TRPM8: variants seen among roughly 807,000 people sequenced by gnomAD.
The protein encoded by TRPM8 is transient receptor potential cation channel subfamily M member 8.
A neutral mutation model predicts 133.7 loss-of-function variants in TRPM8; 110 were observed. The observed-to-expected ratio is 0.82, with a 90% CI of 0.70 to 0.96. The LOEUF (loss-of-function observed/expected upper bound fraction) is 0.96. Ranked by LOEUF, TRPM8 falls within the 40% of genes least tolerant of loss-of-function variation. The probability of loss-of-function intolerance (pLI) is 0.00; values close to 1 mark genes in which losing one functional copy is unlikely to be tolerated. For missense variants in TRPM8, 1,291 were observed against 1,379.5 expected, an observed-to-expected ratio of 0.94 and a Z score of 1.02; for synonymous variants, 535 against 532.3, an observed-to-expected ratio of 1.01 and a Z score of -0.07.
intron 25 of TRPM8, among the ~76,000 whole-genome samples, chr2:234,016,587 G>A (rs975144293): frequency 6.6e-6 from 1 of 152,112 alleles, no homozygotes; most frequent in African/African-American, 2.4e-5. Context: ...GACCCTGGGG[G>A]CAAGCCTGTA....
chr2:233,927,710 CTTT>C (rs1691548694), intron 2 of TRPM8, among the ~76,000 whole-genome samples: 1 of 13,552 alleles, frequency 7.4e-5, no homozygotes, highest in Non-Finnish European at 1.2e-4. Flanking sequence ...GAGTCTGTCT[CTTT>C]CTTTCTTTCT....
intron 21 of TRPM8, among the ~76,000 whole-genome samples, chr2:233,986,200 C>A (rs116386891): frequency 1.0e-3 from 152 of 152,316 alleles, no homozygotes; most frequent in Non-Finnish European, 1.9e-3. Flanking sequence ...TAGTTTAACT[C>A]ATCTCCAAAG....
intron 11 of TRPM8, among the ~76,000 whole-genome samples, chr2:233,960,386 C>T (rs1382131403): frequency 6.6e-6 from 1 of 152,132 alleles, no homozygotes. Context: ...GAGGTGGTTC[C>T]AGCTCTACTA....
In TRPM8 at chr2:233,993,877, G is replaced by A. The variant is rs1245417606; in HGVS notation, c.2940-2449G>A. On this transcript the variant is annotated intron_variant, in intron 21 of 25. Coordinates refer to ENST00000324695, the MANE Select transcript of TRPM8 (RefSeq NM_024080.5). ...ACAACATCAATGCACAAAAATGGAT[G>A]CAGTTGTTTTGATTTTTTCTTTGGT... Among the ~76,000 whole-genome samples, 7 of 152,168 alleles carry A rather than the reference G, an allele frequency of 4.6e-5. No homozygotes were observed. The South Asian group carries it at 1.4e-3, about 31-fold the overall frequency.
intron 22 of TRPM8, among the ~76,000 whole-genome samples, chr2:233,999,226 G>A (rs1692487024): frequency 6.6e-6 from 1 of 152,056 alleles, no homozygotes; most frequent in Non-Finnish European, 1.5e-5. Flanking sequence ...ATTGGAAGCT[G>A]GACCCCAGGC....
intron 21 of TRPM8, among the ~76,000 whole-genome samples, chr2:233,991,516 G>A (rs1407358397): frequency 1.3e-5 from 2 of 152,344 alleles, no homozygotes; most frequent in Non-Finnish European, 2.9e-5. Flanking sequence ...CTGTGTGCTG[G>A]GGAAGGAGCG....
intron 23 of TRPM8, among the ~76,000 whole-genome samples, chr2:234,007,682 C>T (rs1692727541): frequency 6.6e-6 from 1 of 152,152 alleles, no homozygotes; most frequent in Non-Finnish European, 1.5e-5. Flanking sequence ...CAACTAATAC[C>T]TTTGCTGGGT....
chr2:233,954,310 T>C (rs1051528112), intron 10 of TRPM8, among the ~76,000 whole-genome samples: 45 of 152,226 alleles, frequency 3.0e-4, no homozygotes, highest in African/African-American at 1.1e-3. Flanking sequence ...AATTTTTTTA[T>C]TGGGCCTCAG....
At chr2:233,958,180 T>A (rs1010048949) in intron 11 of TRPM8, among the ~76,000 whole-genome samples, 6 of 152,168 alleles carry the variant, frequency 3.9e-5, no homozygotes, top group Non-Finnish European at 5.9e-5. Context: ...GGGGAGTTGC[T>A]GATAGTTTTT....
At position 233,960,756 on chromosome 2, in the gene TRPM8, T is replaced by C. The variant is rs1226553046; in HGVS notation, c.1363-20T>C. ...TATTTTTATAGTATTGTTAGTACTG[T>C]CTCTGTTCTTTCTCCTTAGTCTGCT... On this transcript the variant is annotated intron_variant, in intron 11 of 25. Coordinates refer to ENST00000324695, the MANE Select transcript of TRPM8 (RefSeq NM_024080.5). 6.2e-7 allele frequency: 1 copy of C among 1,608,704 alleles called. No homozygotes were observed. Among genetic ancestry groups the C allele is most frequent in the Non-Finnish European group, 8.5e-7 (1 of 1,175,778 alleles).
At chr2:234,000,086 G>GACTT (rs1553669213) in intron 22 of TRPM8, among the ~76,000 whole-genome samples, 1 of 144,166 alleles carries the variant, frequency 6.9e-6, no homozygotes, top group Non-Finnish European at 1.5e-5. Flanking sequence ...CAATGTGGAT[G>GACTT]ATTTATTTAT....
intron 9 of TRPM8, among the ~76,000 whole-genome samples, chr2:233,951,722 C>T (rs1001908888): frequency 6.6e-6 from 1 of 152,096 alleles, no homozygotes; most frequent in Admixed American, 6.5e-5. Context: ...ACAATCACAT[C>T]AATCAGAAAA....
intron 3 of TRPM8, among the ~76,000 whole-genome samples, chr2:233,932,015 C>A (rs1458744298): frequency 6.6e-6 from 1 of 152,228 alleles, no homozygotes; most frequent in Non-Finnish European, 1.5e-5. Flanking sequence ...CAAGGCTGTG[C>A]CTTCTCTATA....
At chr2:233,963,991 A>G (rs762303466) in intron 13 of TRPM8, among the ~76,000 whole-genome samples, 17 of 152,136 alleles carry the variant, frequency 1.1e-4, no homozygotes, top group Non-Finnish European at 2.2e-4. Context: ...ATTAGTCTTA[A>G]TATTTTTTAT....
At position 233,946,007 on chromosome 2, in the gene TRPM8, A is replaced by G. The variant is rs777617474; in HGVS notation, c.851A>G (p.Tyr284Cys). 6.2e-6 allele frequency: 10 copies of G among 1,614,032 alleles called. No homozygotes were observed. The East Asian group carries it at 8.9e-5, about 14-fold the overall frequency. The part of the protein sequence containing the change: ...EAKLRNQLEK[Y>C]ISERTIQDSN... ...AAGCTCCGGAATCAGCTAGAGAAGT[A>G]TATCTCTGAGCGCACTATTCAAGGT... Residue 284 changes from tyrosine (Y) to cysteine (C), a missense_variant, in exon 7 of 26, where the codon TAT becomes TGT. By Grantham distance (194) the Tyr-to-Cys change is radical (BLOSUM62 -2). Transcript: ENST00000324695.
At chr2:234,007,169 G>A (rs1338778091) in intron 23 of TRPM8, among the ~76,000 whole-genome samples, 1 of 152,156 alleles carries the variant, frequency 6.6e-6, no homozygotes, top group African/African-American at 2.4e-5. Context: ...TATCCCAATT[G>A]CCCTTCAAGG....
rs201510804 is a variant in TRPM8 at position 234,017,279 on chromosome 2, T to C, written c.*43-20T>C. 2.3e-5 allele frequency: 11 copies of C among 470,416 alleles called. No individual in the cohort carries two copies. The highest frequency in any genetic ancestry group is 4.8e-5 in the Non-Finnish European group (11 of 226,974). The allele number at this position is 470,416 out of a possible 1,614,324, so 29.1% of individuals were successfully genotyped here. ...TGGGAAATCTATTCTTAACACAGTG[T>C]TCTTTCTTTGTTTTTACAGATCATA... On this transcript the variant is annotated intron_variant, in intron 25 of 25. Transcript: ENST00000324695.
Position 233,945,861 on chromosome 2 carries a change from T to A in TRPM8, c.705T>A (p.Tyr235Ter). 3 of 1,609,260 alleles carry A rather than the reference T, an allele frequency of 1.9e-6. No homozygotes were observed. Among genetic ancestry groups the A allele is most frequent in the Non-Finnish European group, 2.6e-6 (3 of 1,176,204 alleles). Residue 235 changes from tyrosine to a stop codon, truncating the protein, a stop_gained, in exon 7 of 26, where the codon TAT (tyrosine) becomes TAA (stop). Transcript: ENST00000324695. LOFTEE classifies it high-confidence loss of function. ...AGTTTCCCTGTACTTTTCAGGGCTA[T>A]TTTTTAGCCCAGTACCTTATGGATG... Reference protein sequence around the residue: ...TLIRNCDAEGYFLAQYLMDDF... With the variant: ...TLIRNCDAEG
intron 6 of TRPM8, 140 bp from the exon 7 acceptor site, chr2:233,945,714 ACC>A: frequency 1.5e-6 from 1 of 646,314 alleles, no homozygotes; most frequent in Admixed American, 2.8e-5. Flanking sequence ...GATCGCTAAG[ACC>A]CCTCTGGATT....
Sources: gnomAD v4.1 joint callset for allele counts (sites outside exome capture counted in the v4.1 genomes callset) on GRCh38, gnomAD v4.1.1 for gene constraint, MANE v1.5 for transcripts, NCBI Gene and HGNC (gene_info 2026-07-23, HGNC 2026-07-21) for gene names.